The following PTPRS variants were observed in gnomAD, a reference collection of about 807,000 sequenced individuals.
The protein encoded by PTPRS is protein tyrosine phosphatase receptor type S, also known as receptor-type tyrosine-protein phosphatase S.
PTPRS carries 63 observed loss-of-function variants against 215.3 expected under a neutral mutation model. The observed-to-expected ratio is 0.29, with a 90% confidence interval of 0.24 to 0.36. The LOEUF is 0.36. Among genes scored for constraint, PTPRS ranks in the 10% least tolerant of loss-of-function variants. The pLI is 1.00. For missense variants in PTPRS, 2,258 were observed against 2,825.8 expected (o/e 0.80, Z 4.56); for synonymous variants, 1,404 against 1,191.4 (o/e 1.18, Z -3.68).
intron 30 of PTPRS, 86 bp downstream of exon 30, chr19:5,214,275 A>T (rs1249955574): frequency 1.9e-6 from 3 of 1,575,608 alleles, no homozygotes; most frequent in Non-Finnish European, 2.6e-6. Context: ...TCCCATGGGG[A>T]GCTCCCTGGG....
intron 20 of PTPRS, among the ~76,000 whole-genome samples, chr19:5,220,566 T>G (rs2041892023): frequency 6.6e-6 from 1 of 152,212 alleles, no homozygotes; most frequent in African/African-American, 2.4e-5. Context: ...GAAGGCTTAC[T>G]TCATGTAATG....
In PTPRS at chr19:5,244,110, T is replaced by C. The variant is rs2044277645; in HGVS notation, c.1361A>G (p.Asn454Ser). 1.9e-6 allele frequency: 3 copies of C among 1,608,458 alleles called. No homozygotes were observed. The highest frequency in any genetic ancestry group is 2.5e-6 in the Non-Finnish European group (3 of 1,178,690). ...GACGCGGTAGCCGCGGATCAGGCCG[T>C]TGGGCTCCACCGGCTCCTCCCACTG... ...IVQWEEPVEP[N>S]GLIRGYRVYY... is the part of the protein sequence containing the mutation. Residue 454 changes from asparagine (N) to serine (S), a missense_variant, in exon 11 of 38, where the codon AAC (asparagine) becomes AGC (serine). Asn to Ser is a conservative substitution (Grantham distance 46). This residue lies in a region of PTPRS where 508 missense variants were observed against 799.4 expected (regional missense o/e 0.64). Coordinates refer to ENST00000262963, the MANE Select transcript of PTPRS (RefSeq NM_002850.4). The surrounding 1 kb of genome is among the most constrained non-coding windows in gnomAD (Gnocchi z 7.2).
At position 5,229,656 on chromosome 19, in the gene PTPRS, C is replaced by T. The variant is rs2042847320; in HGVS notation, c.2184G>A (p.Glu728=). 3.1e-6 allele frequency: 4 copies of T among 1,287,604 alleles called. 1 individual carries two copies. In the East Asian group the frequency reaches 1.3e-4, roughly 41 times the overall value. 79.8% of individuals were successfully genotyped at this position (1,287,604 alleles called of 1,614,324 possible). A position where few individuals can be genotyped will look rare whatever the true frequency, so the allele number is the denominator to read the frequency against. Residue 728 remains glutamate, a synonymous_variant, in exon 15 of 38, where the codon GAG becomes GAA. Coordinates refer to ENST00000262963, the MANE Select transcript of PTPRS (RefSeq NM_002850.4). ...DVPSAPPRKV[E]AEALNATAIR... ...TGGCCGTGGCGTTGAGCGCCTCCGCCTCCACCTTCCGCGGCGGCGCGCTGG... is the reference window on the plus strand; with the variant it reads ...TGGCCGTGGCGTTGAGCGCCTCCGCTTCCACCTTCCGCGGCGGCGCGCTGG...
rs2042429160 is a variant in PTPRS, at chr19:5,225,737, G to A, written c.2484C>T (p.Thr828=). 2 of 1,613,916 alleles carry A rather than the reference G, an allele frequency of 1.2e-6. No individual in the cohort carries two copies. Among genetic ancestry groups the A allele is most frequent in the South Asian group, 1.1e-5 (1 of 91,090 alleles). Residue 828 remains threonine (T), a synonymous_variant, in exon 17 of 38, where the codon ACC becomes ACT. Coordinates refer to ENST00000262963, the MANE Select transcript of PTPRS (RefSeq NM_002850.4). ...GARSKPKVVV[T]KGAVLGRPTL... is the part of the protein sequence containing the mutation. ...GGGCGGGTTGCATACCTGCTCCCTT[G>A]GTCACAACCACCTTGGGTTTGCTGC...
At chr19:5,290,222 C>T (rs541744264) in intron 1 of PTPRS, among the ~76,000 whole-genome samples, 2 of 152,260 alleles carry the variant, frequency 1.3e-5, no homozygotes, top group South Asian at 2.1e-4. Flanking sequence ...CAGAGGCAGG[C>T]GCTTGACTTT....
At chr19:5,324,657 C>T (rs1035137533) in intron 1 of PTPRS, among the ~76,000 whole-genome samples, 1 of 152,224 alleles carries the variant, frequency 6.6e-6, no homozygotes, top group South Asian at 2.1e-4. Flanking sequence ...TAACTCAACT[C>T]TACTTGCTGT....
Position 5,212,184 on chromosome 19 carries a change from C to T in PTPRS, c.4836G>A (p.Glu1612=), listed in dbSNP as rs1159893939. 6.2e-7 allele frequency: 1 copy of T among 1,613,882 alleles called. No individual in the cohort carries two copies. The highest frequency in any genetic ancestry group is 1.7e-5 in the Admixed American group (1 of 60,018). ...IDAMLERIKP[E]KTVDVYGHVT... is the part of the protein sequence containing the mutation. The stretch of plus-strand genomic sequence containing the variant: ...CGTGGCCATAGACATCGACTGTCTT[C>T]TCTGGCTTGATCCGCTCAAGCATGG... Residue 1612 remains glutamate, a synonymous_variant, in exon 32 of 38, where the codon GAG becomes GAA. Transcript: ENST00000262963.
chr19:5,267,564 G>A (rs2046509298), intron 4 of PTPRS, among the ~76,000 whole-genome samples: 1 of 151,414 alleles, frequency 6.6e-6, no homozygotes, highest in Admixed American at 6.6e-5. Context: ...GGCTGAGGCA[G>A]AAGAATCGCT....
intron 4 of PTPRS, 107 bp from the exon 5 acceptor site, chr19:5,265,303 G>T: frequency 1.9e-6 from 2 of 1,052,378 alleles, no homozygotes; most frequent in Non-Finnish European, 2.7e-6. Context: ...CTCCTCCCTG[G>T]CTGCGTGACC....
intron 1 of PTPRS, among the ~76,000 whole-genome samples, chr19:5,312,514 A>G (rs1254128615): frequency 2.0e-5 from 3 of 151,930 alleles, no homozygotes; most frequent in Non-Finnish European, 4.4e-5. Context: ...TACAAAAATT[A>G]GCCAGGCGTG....
chr19:5,273,619 C>G (rs2047105503), intron 3 of PTPRS, 36 bp from the exon 4 acceptor site: 2 of 1,612,702 alleles, frequency 1.2e-6, no homozygotes, highest in African/African-American at 2.7e-5. Context: ...CAGAGTGAGG[C>G]TGGGGTCCCA....
chr19:5,273,589 A>G lies in PTPRS; in HGVS notation c.238-6T>C. ...CTCTCATCAAACTCAATCGTCTGCC[A>G]TGGGCAGGGGAAAAAAGAACAGAGT... On this transcript the variant is annotated splice_polypyrimidine_tract_variant and splice_region_variant and intron_variant, in intron 3 of 37. Coordinates refer to ENST00000262963, the MANE Select transcript of PTPRS (RefSeq NM_002850.4). 6.2e-7 allele frequency: 1 copy of G among 1,614,034 alleles called. No individual in the cohort carries two copies. Among genetic ancestry groups the G allele is most frequent in the Non-Finnish European group, 8.5e-7 (1 of 1,179,976 alleles).
chr19:5,334,993 G>C (rs372338475), intron 1 of PTPRS, among the ~76,000 whole-genome samples: 2 of 152,182 alleles, frequency 1.3e-5, no homozygotes, highest in Non-Finnish European at 2.9e-5. Context: ...TGCTGATCAC[G>C]GGGGTTAATT....
intron 2 of PTPRS, among the ~76,000 whole-genome samples, chr19:5,275,384 TTTTC>T (rs199989310): frequency 3.9e-4 from 39 of 98,952 alleles, no homozygotes; most frequent in African/African-American, 1.1e-3. Flanking sequence ...TTTCTTTTTC[TTTTC>T]TTTTTTTTTT....
intron 13 of PTPRS, among the ~76,000 whole-genome samples, chr19:5,235,054 T>C (rs1016353701): frequency 3.3e-5 from 5 of 151,734 alleles, no homozygotes; most frequent in Admixed American, 6.6e-5. Flanking sequence ...CATTCTCCTG[T>C]CTCAGCCTCC....
chr19:5,211,629 C>A lies in PTPRS; in HGVS notation c.5195G>T (p.Gly1732Val). The A allele has an allele frequency of 6.2e-7, 1 of 1,613,692 alleles. No individual in the cohort carries two copies. Among genetic ancestry groups the A allele is most frequent in the African/African-American group, 1.3e-5 (1 of 75,042 alleles). ...VCLQPIRGVE[G>V]SDYINASFID... is the part of the protein sequence containing the mutation. The stretch of plus-strand genomic sequence containing the variant: ...GAAGCTGGCGTTGATGTAGTCAGAG[C>A]CCTCCACACCCCGGATGGGTTGCAG... Residue 1732 changes from glycine to valine, a missense_variant, in exon 33 of 38, where the codon GGC becomes GTC. By Grantham distance (109) the Gly-to-Val change is moderately radical. Transcript: ENST00000262963.
intron 4 of PTPRS, among the ~76,000 whole-genome samples, chr19:5,272,372 C>T (rs1403037826): frequency 3.3e-5 from 5 of 151,278 alleles, no homozygotes; most frequent in African/African-American, 9.7e-5. Flanking sequence ...CTGAGGCAGG[C>T]GGATCACTTG....
intron 1 of PTPRS, among the ~76,000 whole-genome samples, chr19:5,328,538 C>T (rs1397801964): frequency 6.6e-6 from 1 of 152,186 alleles, no homozygotes; most frequent in Non-Finnish European, 1.5e-5. Context: ...GCGCCCGGCC[C>T]TTACCACTTC....
chr19:5,218,332 A>G, intron 25 of PTPRS, 88 bp downstream of exon 25: 1 of 1,147,454 alleles, frequency 8.7e-7, no homozygotes, highest in Non-Finnish European at 1.3e-6. Flanking sequence ...GAGGGGGCCA[A>G]TGAGGGGCCC....
Sources: allele counts gnomAD v4.1 joint callset (sites outside exome capture counted in the v4.1 genomes callset), GRCh38; gene constraint gnomAD v4.1.1; regional missense constraint gnomAD v4.1.1; non-coding constraint Gnocchi (gnomAD v3.1); transcripts MANE v1.5; gene names NCBI Gene and HGNC (gene_info 2026-07-23, HGNC 2026-07-21).